Variants in FBXW11 observed in about 807,000 individuals in gnomAD.
FBXW11 encodes the protein F-box and WD repeat domain containing 11.
Under a neutral mutation model 77.6 loss-of-function variants are expected in FBXW11, and 19 were observed. The ratio of observed to expected loss-of-function variants is 0.24; its 90% CI spans 0.17 to 0.36. FBXW11 has a LOEUF of 0.36. FBXW11 is among the 10% of genes least tolerant of loss of function. FBXW11 has a pLI of 1.00. For missense variants in FBXW11, 334 were observed against 704.2 expected, an observed-to-expected ratio of 0.47 and a Z score of 5.95; for synonymous variants, 235 against 249.4, an observed-to-expected ratio of 0.94 and a Z score of 0.54.
intron 6 of FBXW11, among the ~76,000 whole-genome samples, chr5:171,892,593 G>T (rs1388069095): frequency 6.6e-6 from 1 of 152,240 alleles, no homozygotes; most frequent in Non-Finnish European, 1.5e-5. Flanking sequence ...TCTAAGTGCT[G>T]CAGGACTTAA....
intron 2 of FBXW11, among the ~76,000 whole-genome samples, chr5:171,925,255 G>C (rs1237628607): frequency 6.6e-6 from 1 of 152,140 alleles, no homozygotes; most frequent in African/African-American, 2.4e-5. Context: ...CCCTGCTAAA[G>C]GTTAGCAGAG....
intron 1 of FBXW11, among the ~76,000 whole-genome samples, chr5:171,998,111 C>G (rs1318173046): frequency 1.3e-5 from 2 of 152,040 alleles, no homozygotes; most frequent in African/African-American, 4.8e-5. Flanking sequence ...TCAGAAAGCC[C>G]ATGATTTCTG....
chr5:171,927,776 A>C (rs1412784376), intron 2 of FBXW11, among the ~76,000 whole-genome samples: 3 of 152,224 alleles, frequency 2.0e-5, no homozygotes, highest in African/African-American at 4.8e-5. Flanking sequence ...TTTTACTATT[A>C]AACACAACAC....
rs555809484 is a variant in FBXW11 at position 171,901,737 on chromosome 5, A to T, written c.437-1637T>A. On this transcript the variant is annotated intron_variant, in intron 4 of 13. Transcript: ENST00000517395. ...AACATCTATTGAAACAATTTCCCCGAATGCTCTATTTGCACAGCTAGTTGG... is the reference window on the plus strand; with the variant it reads ...AACATCTATTGAAACAATTTCCCCGTATGCTCTATTTGCACAGCTAGTTGG... Among the ~76,000 whole-genome samples the T allele has an allele frequency of 5.3e-4, 80 of 152,316 alleles. 1 individual carries two copies. The highest frequency in any genetic ancestry group is 8.7e-4 in the Non-Finnish European group (59 of 68,030).
chr5:171,893,693 T>C (rs1759543165), intron 6 of FBXW11, among the ~76,000 whole-genome samples: 1 of 152,208 alleles, frequency 6.6e-6, no homozygotes, highest in Admixed American at 6.5e-5. Context: ...CCAGTGACTC[T>C]TGGCAGTAGT....
At chr5:171,973,512 T>C (rs1004183793) in intron 1 of FBXW11, among the ~76,000 whole-genome samples, 4 of 151,942 alleles carry the variant, frequency 2.6e-5, no homozygotes, top group African/African-American at 9.7e-5. Flanking sequence ...ACAGTCAAGG[T>C]CATAAAAAAA....
chr5:171,870,015 T>G (rs917812774), intron 11 of FBXW11, among the ~76,000 whole-genome samples: 1 of 152,196 alleles, frequency 6.6e-6, no homozygotes, highest in Admixed American at 6.5e-5. Flanking sequence ...GCTGAAATTT[T>G]AAAGAAATAT....
intron 6 of FBXW11, among the ~76,000 whole-genome samples, chr5:171,897,105 C>T (rs751190011): frequency 2.6e-5 from 4 of 152,138 alleles, no homozygotes; most frequent in Non-Finnish European, 5.9e-5. Context: ...CCTGACTAAA[C>T]TGTTTAACCT....
At chr5:171,955,368 T>C (rs963382796) in intron 2 of FBXW11, among the ~76,000 whole-genome samples, 1 of 152,202 alleles carries the variant, frequency 6.6e-6, no homozygotes. Flanking sequence ...AGCCTAACTA[T>C]TCCTTCCCTT....
chr5:171,985,263 A>G lies in FBXW11; in HGVS notation c.45+21195T>C, dbSNP rs150467668. On this transcript the variant is annotated intron_variant, in intron 1 of 13. Transcript: ENST00000517395. ...CTTTGTAAACCACAGATCTTGCTCT[A>G]ATGTTCACAGTCACCTCCCTTCTCA... 8.1e-4 allele frequency among the ~76,000 whole-genome samples: 124 copies of G among 152,260 alleles called. 2 individuals are homozygous for G. The highest frequency in any genetic ancestry group is 3.4e-3 in the Middle Eastern group (1 of 294).
intron 6 of FBXW11, among the ~76,000 whole-genome samples, chr5:171,898,601 A>G (rs1351454239): frequency 6.6e-6 from 1 of 152,210 alleles, no homozygotes; most frequent in Non-Finnish European, 1.5e-5. Flanking sequence ...ATGAAAAACT[A>G]TGAGTAATGT....
chr5:171,972,695 C>A (rs1355596043), intron 1 of FBXW11, among the ~76,000 whole-genome samples: 1 of 151,956 alleles, frequency 6.6e-6, no homozygotes, highest in African/African-American at 2.4e-5. Context: ...CAGGCGCCCA[C>A]CACCACACCT....
At chr5:171,975,678 A>C (rs1764789872) in intron 1 of FBXW11, among the ~76,000 whole-genome samples, 1 of 152,216 alleles carries the variant, frequency 6.6e-6, no homozygotes, top group East Asian at 1.9e-4. Flanking sequence ...CTACCTTTCA[A>C]GGTTACAGTA....
chr5:171,872,720 C>A, intron 10 of FBXW11, 152 bp downstream of exon 10: 1 of 626,984 alleles, frequency 1.6e-6, no homozygotes, highest in Non-Finnish European at 2.9e-6. Context: ...CTTGAGTATA[C>A]AGAGCCCAAA....
rs537491253 is a variant in FBXW11 at position 171,975,987 on chromosome 5, A to C, written c.46-18289T>G. Among the ~76,000 whole-genome samples the C allele has an allele frequency of 3.9e-5, 6 of 152,302 alleles. No homozygotes were observed. In the South Asian group the frequency reaches 1.2e-3, roughly 32 times the overall value. ...GTGAGTTTCCAAAAGGAGACTATAT[A>C]CAGCATTTACTAACAACTCACAGGA... On this transcript the variant is annotated intron_variant, in intron 1 of 13. Transcript: ENST00000517395.
intron 6 of FBXW11, among the ~76,000 whole-genome samples, chr5:171,896,726 T>C (rs75405052): frequency 0.021 from 3,273 of 152,306 alleles, 119 homozygotes; most frequent in African/African-American, 0.074. Flanking sequence ...GATAATAACA[T>C]GCACCTTGTT....
chr5:171,931,269 C>T (rs997420884), intron 2 of FBXW11, among the ~76,000 whole-genome samples: 1 of 152,336 alleles, frequency 6.6e-6, no homozygotes, highest in East Asian at 1.9e-4. Flanking sequence ...AGGAATGATA[C>T]TGTCTGACTT....
intron 7 of FBXW11, among the ~76,000 whole-genome samples, chr5:171,880,003 C>A (rs1374795598): frequency 6.6e-6 from 1 of 152,150 alleles, no homozygotes; most frequent in African/African-American, 2.4e-5. Flanking sequence ...AAAAAGTCAT[C>A]AACAAATTCA....
intron 3 of FBXW11, among the ~76,000 whole-genome samples, chr5:171,912,320 G>T (rs528712928): frequency 1.3e-5 from 2 of 152,230 alleles, no homozygotes; most frequent in East Asian, 3.9e-4. Context: ...ACTGACACCA[G>T]GTACCACCAG....
Sources: allele counts gnomAD v4.1 joint callset (sites outside exome capture counted in the v4.1 genomes callset), GRCh38; gene constraint gnomAD v4.1.1; transcripts MANE v1.5; gene names NCBI Gene and HGNC (gene_info 2026-07-23, HGNC 2026-07-21).